UNK: variants seen among roughly 807,000 people sequenced by gnomAD.
The protein encoded by UNK is RING finger protein unkempt homolog.
A neutral mutation model predicts 97.6 loss-of-function variants in UNK; 32 were observed. The observed-to-expected ratio is 0.33, with a 90% CI of 0.25 to 0.44. The LOEUF (loss-of-function observed/expected upper bound fraction) is 0.44. UNK is among the 20% of genes least tolerant of loss of function. The probability of loss-of-function intolerance (pLI) is 1.00; values close to 1 mark genes in which losing one functional copy is unlikely to be tolerated. For synonymous variants in UNK, 441 were observed against 461.2 expected, an observed-to-expected ratio of 0.96 and a Z score of 0.56; for missense variants, 771 against 1,098.4, an observed-to-expected ratio of 0.70 and a Z score of 4.21.
chr17:75,817,673 G>T lies in UNK; in HGVS notation c.1305+147G>T. On this transcript the variant is annotated intron_variant, in intron 9 of 15. Coordinates refer to ENST00000589666, the MANE Select transcript of UNK (RefSeq NM_001080419.3). This position sits in a 1 kb window ranked among gnomAD's most constrained non-coding sequence, Gnocchi z 5.8. The stretch of plus-strand genomic sequence containing the variant: ...CGGCCTCTTCAGGACTGAACAGAGG[G>T]AGCAGTGTCAGCCCATTTGCAGCTG... 1 of 920,880 alleles carries T rather than the reference G, an allele frequency of 1.1e-6. No homozygotes were observed. Among genetic ancestry groups the T allele is most frequent in the Non-Finnish European group, 1.6e-6 (1 of 627,240 alleles). The allele number at this position is 920,880 out of a possible 1,614,324, so 57.0% of individuals were successfully genotyped here.
chr17:75,819,054 G>C lies in UNK; in HGVS notation c.1546+238G>C, dbSNP rs2062042404. 1 of 471,042 alleles carries C rather than the reference G, an allele frequency of 2.1e-6. No homozygotes were observed. Among genetic ancestry groups the C allele is most frequent in the East Asian group, 3.6e-5 (1 of 27,434 alleles). 29.2% of individuals were successfully genotyped at this position (471,042 alleles called of 1,614,324 possible). The stretch of plus-strand genomic sequence containing the variant: ...TTAGAAAGAGGTGCCTTTTCCCCTT[G>C]GTGAGTACAGTCTCACCCCAAGACG... On this transcript the variant is annotated intron_variant, in intron 11 of 15. Coordinates refer to ENST00000589666, the MANE Select transcript of UNK (RefSeq NM_001080419.3). This position sits in a 1 kb window ranked among gnomAD's most constrained non-coding sequence, Gnocchi z 5.4.
chr17:75,790,728 C>T (rs773887169), intron 1 of UNK, among the ~76,000 whole-genome samples: 1 of 151,932 alleles, frequency 6.6e-6, no homozygotes, highest in East Asian at 1.9e-4. Context: ...GTCAGGAGTT[C>T]GGGACCAGCC....
chr17:75,791,401 T>C (rs189226440), intron 1 of UNK, among the ~76,000 whole-genome samples: 2 of 152,232 alleles, frequency 1.3e-5, no homozygotes, highest in Non-Finnish European at 2.9e-5. Context: ...GACATGAACA[T>C]GTATTTAAGT....
intron 1 of UNK, 89 bp downstream of exon 1, chr17:75,785,073 G>GCCTCTTCCTCCC: frequency 1.1e-6 from 1 of 893,284 alleles, no homozygotes; most frequent in South Asian, 2.0e-5. Context: ...GCGCGAGGCG[G>GCCTCTTCCTCCC]CCTCTTCCTC....
Position 75,823,255 on chromosome 17 carries a change from G to A in UNK, c.2020-10G>A. 1 of 1,589,310 alleles carries A rather than the reference G, an allele frequency of 6.3e-7. No individual in the cohort carries two copies. The highest frequency in any genetic ancestry group is 8.6e-7 in the Non-Finnish European group (1 of 1,163,282). On this transcript the variant is annotated splice_polypyrimidine_tract_variant and intron_variant, in intron 14 of 15. Coordinates refer to ENST00000589666, the MANE Select transcript of UNK (RefSeq NM_001080419.3). Reference sequence around the variant, plus strand: ...GGCCATTGTGATGAGACTGTATGCTGGCCCCACAGGCTTGTGATGCCTGGA... The same window carrying A: ...GGCCATTGTGATGAGACTGTATGCTAGCCCCACAGGCTTGTGATGCCTGGA...
At chr17:75,793,600 G>A in intron 1 of UNK, 1 of 985,364 alleles carries the variant, frequency 1.0e-6, no homozygotes, top group South Asian at 4.7e-5. Context: ...TGAGGCCTGT[G>A]ACAGCCTGTG....
chr17:75,806,549 G>A (rs977594915), intron 1 of UNK, among the ~76,000 whole-genome samples: 1 of 152,022 alleles, frequency 6.6e-6, no homozygotes, highest in Non-Finnish European at 1.5e-5. Context: ...CGAGGCGGGC[G>A]AATCACAAGG....
intron 2 of UNK, 32 bp downstream of exon 2, chr17:75,810,001 C>G (rs369466434): frequency 2.2e-5 from 35 of 1,609,614 alleles, no homozygotes; most frequent in Non-Finnish European, 2.9e-5. Flanking sequence ...CAGAGGAGCC[C>G]CGTGTCTCCT....
intron 1 of UNK, among the ~76,000 whole-genome samples, chr17:75,800,619 C>G (rs1392610461): frequency 6.6e-6 from 1 of 151,444 alleles, no homozygotes; most frequent in East Asian, 2.0e-4. Context: ...CGCCTGTAAT[C>G]CCAGCTACTC....
chr17:75,818,522 G>A lies in UNK; in HGVS notation c.1372-120G>A, dbSNP rs2062036988. The A allele has an allele frequency of 8.2e-7, 1 of 1,213,828 alleles. No individual in the cohort carries two copies. The highest frequency in any genetic ancestry group is 1.6e-5 in the South Asian group (1 of 64,442). 75.2% of individuals were successfully genotyped at this position (1,213,828 alleles called of 1,614,324 possible). On this transcript the variant is annotated intron_variant, in intron 10 of 15. Coordinates refer to ENST00000589666, the MANE Select transcript of UNK (RefSeq NM_001080419.3). This position sits in a 1 kb window ranked among gnomAD's most constrained non-coding sequence, Gnocchi z 5.1. The stretch of plus-strand genomic sequence containing the variant: ...GTGCCGGGGCCCATGTGGGCATGGG[G>A]GCACCCGGACTAGAGCTAGCACGGG...
intron 1 of UNK, chr17:75,793,679 T>C (rs1405632436): frequency 4.1e-6 from 4 of 985,320 alleles, no homozygotes; most frequent in South Asian, 9.4e-5. Context: ...TTATTCACAG[T>C]TTGCTTTTCA....
At position 75,817,225 on chromosome 17, in the gene UNK, A is replaced by G; in HGVS notation, c.1105-101A>G. 62 of 1,315,546 alleles carry G rather than the reference A, an allele frequency of 4.7e-5. No homozygotes were observed. Among genetic ancestry groups the G allele is most frequent in the Non-Finnish European group, 6.2e-5 (60 of 968,056 alleles). The allele number at this position is 1,315,546 out of a possible 1,614,324, so 81.5% of individuals were successfully genotyped here. A position where few individuals can be genotyped will look rare whatever the true frequency, so the allele number is the denominator to read the frequency against. ...CTGCTCGTTGGCAGATGAAAGTGGA[A>G]CTGAGCCCCTTGAAGACTCCCTCTG... On this transcript the variant is annotated intron_variant, in intron 8 of 15. Coordinates refer to ENST00000589666, the MANE Select transcript of UNK (RefSeq NM_001080419.3). This position sits in a 1 kb window ranked among gnomAD's most constrained non-coding sequence, Gnocchi z 5.8.
In UNK at chr17:75,816,786, C is replaced by T. The variant is rs112695630; in HGVS notation, c.978C>T (p.Asp326=). ...CTCTTGCAGAGCCACCCCTGAGTGA[C>T]GACCTGCAGCCTTCCTCAGCTGTGT... ...FAHVEQPPLS[D]DLQPSSAVSS... The change falls in exon 8 of 16, where the codon GAC becomes GAT. Residue 326 remains aspartate (D), a synonymous_variant. Coordinates refer to ENST00000589666, the MANE Select transcript of UNK (RefSeq NM_001080419.3). The surrounding 1 kb of genome is among the most constrained non-coding windows in gnomAD (Gnocchi z 4.0). 74,714 of 1,603,480 alleles carry T rather than the reference C, an allele frequency of 0.047. 2,011 individuals carry two copies. Among genetic ancestry groups the T allele is most frequent in the Non-Finnish European group, 0.056 (65,525 of 1,179,236 alleles).
rs756297530 is a variant in UNK, at chr17:75,822,466, C to T, written c.1838-11C>T. The T allele has an allele frequency of 3.7e-6, 6 of 1,603,028 alleles. No homozygotes were observed. In the South Asian group the frequency reaches 5.6e-5, roughly 15 times the overall value. On this transcript the variant is annotated splice_polypyrimidine_tract_variant and intron_variant, in intron 13 of 15. Transcript: ENST00000589666. The stretch of plus-strand genomic sequence containing the variant: ...CCTCCGGAGCTGATGTTCTTCCCCT[C>T]CTTGGGGCAGGTCTGAACGGGATGA...
At chr17:75,812,631 C>T (rs763745626) in intron 4 of UNK, 46 bp downstream of exon 4, 2 of 1,585,994 alleles carry the variant, frequency 1.3e-6, no homozygotes, top group East Asian at 2.2e-5. Flanking sequence ...TAATCCTGCT[C>T]ATAGCTGCCC....
At chr17:75,798,059 C>A (rs1188712965) in intron 1 of UNK, among the ~76,000 whole-genome samples, 1 of 151,072 alleles carries the variant, frequency 6.6e-6, no homozygotes, top group Non-Finnish European at 1.5e-5. Context: ...AAAGATTGAC[C>A]ACAGCTCTTT....
chr17:75,811,803 A>G (rs772755900), intron 2 of UNK, among the ~76,000 whole-genome samples: 18 of 152,320 alleles, frequency 1.2e-4, no homozygotes, highest in Admixed American at 3.3e-4. Flanking sequence ...CCTGGCCAAC[A>G]TGGTGAAACC....
intron 6 of UNK, among the ~76,000 whole-genome samples, chr17:75,814,489 C>CAAAAAAA (rs59234903): frequency 1.4e-5 from 1 of 70,004 alleles, no homozygotes. Flanking sequence ...GAGACTCCAT[C>CAAAAAAA]AAAAAAAAAA....
chr17:75,805,810 A>ATGTGTGTGTGTG (rs61000364), intron 1 of UNK, among the ~76,000 whole-genome samples: 4,940 of 145,332 alleles, frequency 0.034, 114 homozygotes, highest in Middle Eastern at 0.063. Context: ...AAAAAGAAAA[A>ATGTGTGTGTGTG]TGTGTGTGTG....
Sources: allele counts gnomAD v4.1 joint callset (sites outside exome capture counted in the v4.1 genomes callset), GRCh38; gene constraint gnomAD v4.1.1; non-coding constraint Gnocchi (gnomAD v3.1); transcripts MANE v1.5; gene names NCBI Gene and HGNC (gene_info 2026-07-23, HGNC 2026-07-21).